The following CCDC7 variants were observed in gnomAD, a reference collection of about 807,000 sequenced individuals.
CCDC7 encodes the protein coiled-coil domain containing 7.
Under a neutral mutation model 196.9 loss-of-function variants are expected in CCDC7, and 183 were observed. That is an observed-to-expected ratio of 0.93 (90% CI 0.82 to 1.05). The LOEUF is 1.05. CCDC7 is among the 50% of genes least tolerant of loss of function. The pLI is 0.00. For synonymous variants in CCDC7, 525 were observed against 484.6 expected, an observed-to-expected ratio of 1.08 and a Z score of -1.10; for missense variants, 1,540 against 1,482.2, an observed-to-expected ratio of 1.04 and a Z score of -0.64.
At chr10:32,766,036 G>A (rs1046859943) in intron 28 of CCDC7, among the ~76,000 whole-genome samples, 11 of 151,952 alleles carry the variant, frequency 7.2e-5, no homozygotes, top group African/African-American at 2.7e-4. Flanking sequence ...TATCATACTT[G>A]TTTATTATAT....
chr10:32,743,989 GGGGT>G (rs2074254834), intron 28 of CCDC7, among the ~76,000 whole-genome samples: 1 of 122,954 alleles, frequency 8.1e-6, no homozygotes, highest in African/African-American at 3.1e-5. Flanking sequence ...GGCCTGTTGT[GGGGT>G]GGGGGGAGGG....
chr10:32,844,817 A>T (rs2093182846), intron 33 of CCDC7, among the ~76,000 whole-genome samples: 1 of 151,828 alleles, frequency 6.6e-6, no homozygotes, highest in South Asian at 2.1e-4. Flanking sequence ...TGTGATGCTT[A>T]CTGCAATAAG....
intron 9 of CCDC7, among the ~76,000 whole-genome samples, chr10:32,509,451 G>C (rs116960005): frequency 2.0e-5 from 3 of 149,200 alleles, no homozygotes; most frequent in Non-Finnish European, 4.4e-5. Context: ...AAAACTCCTC[G>C]ATGAAAACAT....
intron 13 of CCDC7, among the ~76,000 whole-genome samples, chr10:32,550,256 AATCTTGT>A (rs2053244783): frequency 6.6e-6 from 1 of 151,472 alleles, no homozygotes; most frequent in African/African-American, 2.4e-5. Context: ...TGTGTACATT[AATCTTGT>A]ATCCAGAAAC....
intron 20 of CCDC7, among the ~76,000 whole-genome samples, chr10:32,660,028 C>T (rs939927125): frequency 8.5e-5 from 13 of 152,128 alleles, no homozygotes; most frequent in African/African-American, 2.9e-4. Flanking sequence ...TGCACATGTA[C>T]GTGCCTGTTT....
At position 32,583,230 on chromosome 10, in the gene CCDC7, G is replaced by A. The variant is rs2058910896; in HGVS notation, c.1651G>A (p.Val551Ile). 4.1e-6 allele frequency: 5 copies of A among 1,231,364 alleles called. No homozygotes were observed. The East Asian group carries it at 1.3e-4, about 31-fold the overall frequency. The allele number at this position is 1,231,364 out of a possible 1,614,324, so 76.3% of individuals were successfully genotyped here. Residue 551 changes from valine (V) to isoleucine (I), a missense_variant, in exon 17 of 42, where the codon GTT becomes ATT. Transcript: ENST00000639629. The stretch of plus-strand genomic sequence containing the variant: ...CAAAGAAGTTCAAGATTCACTGTCT[G>A]TTGGAACATTGGCTCAAAAAAACGA...
intron 28 of CCDC7, among the ~76,000 whole-genome samples, chr10:32,765,842 C>G (rs2078206651): frequency 6.6e-6 from 1 of 152,052 alleles, no homozygotes; most frequent in Non-Finnish European, 1.5e-5. Flanking sequence ...CCCCTGGTAA[C>G]TGGCATGCAA....
chr10:32,691,310 C>T (rs992052396), intron 23 of CCDC7, among the ~76,000 whole-genome samples: 1 of 152,024 alleles, frequency 6.6e-6, no homozygotes. Context: ...ACTACCTGGC[C>T]AGGAGGTTCT....
intron 18 of CCDC7, among the ~76,000 whole-genome samples, chr10:32,620,709 T>C (rs566266990): frequency 6.6e-6 from 1 of 152,306 alleles, no homozygotes; most frequent in Admixed American, 6.5e-5. Context: ...CCATCCTGTG[T>C]TTAGCAGTGT....
At chr10:32,573,915 T>C (rs2057885637) in intron 16 of CCDC7, among the ~76,000 whole-genome samples, 1 of 152,138 alleles carries the variant, frequency 6.6e-6, no homozygotes, top group African/African-American at 2.4e-5. Flanking sequence ...GCATTAACAG[T>C]CTAGTAGGGC....
intron 36 of CCDC7, 135 bp downstream of exon 37, chr10:32,846,094 A>G (rs1214206263): frequency 6.5e-6 from 5 of 773,532 alleles, no homozygotes; most frequent in Admixed American, 4.6e-5. Context: ...ATTGGAAGAC[A>G]TATAATAAAG....
chr10:32,459,646 A>G (rs912546249), intron 3 of CCDC7, among the ~76,000 whole-genome samples: 1 of 68,720 alleles, frequency 1.5e-5, no homozygotes, highest in African/African-American at 7.2e-5. Flanking sequence ...CCTGCTGCAC[A>G]TTTTTTTTTT....
intron 8 of CCDC7, among the ~76,000 whole-genome samples, chr10:32,475,082 G>A (rs1404409962): frequency 2.6e-5 from 4 of 152,198 alleles, no homozygotes; most frequent in Non-Finnish European, 4.4e-5. Context: ...GAAAACCTCT[G>A]TATACATCGA....
chr10:32,735,134 C>A (rs2084651704), intron 28 of CCDC7, among the ~76,000 whole-genome samples: 1 of 152,090 alleles, frequency 6.6e-6, no homozygotes, highest in Non-Finnish European at 1.5e-5. Flanking sequence ...ACGATTTCTT[C>A]ATTAATTAGG....
chr10:32,461,707 G>GTA (rs1196952945), intron 3 of CCDC7, among the ~76,000 whole-genome samples: 4 of 27,802 alleles, frequency 1.4e-4, no homozygotes, highest in African/African-American at 4.1e-4. Flanking sequence ...GTGTGTGTGT[G>GTA]TGTATATATA....
At chr10:32,582,817 A>G (rs2058871185) in intron 16 of CCDC7, among the ~76,000 whole-genome samples, 1 of 152,168 alleles carries the variant, frequency 6.6e-6, no homozygotes, top group Non-Finnish European at 1.5e-5. Flanking sequence ...AGTATTTTAA[A>G]TGATTTCCTT....
At chr10:32,526,134 C>G (rs1246325426) in intron 11 of CCDC7, among the ~76,000 whole-genome samples, 1 of 152,222 alleles carries the variant, frequency 6.6e-6, no homozygotes, top group African/African-American at 2.4e-5. Context: ...ACCCATGATA[C>G]AAAGTTCTTC....
intron 21 of CCDC7, among the ~76,000 whole-genome samples, chr10:32,682,971 T>C (rs187034423): frequency 5.1e-4 from 77 of 152,300 alleles, no homozygotes; most frequent in African/African-American, 1.8e-3. Context: ...GATAGTTTCT[T>C]TTGCTCTGCA....
chr10:32,877,601 G>C (rs1436193575), downstream of CCDC7, among the ~76,000 whole-genome samples: 1 of 152,088 alleles, frequency 6.6e-6, no homozygotes, highest in East Asian at 1.9e-4. Context: ...AACAATGCCA[G>C]CTCTATCTTA....
Sources: allele counts gnomAD v4.1 joint callset (sites outside exome capture counted in the v4.1 genomes callset), GRCh38; gene constraint gnomAD v4.1.1; transcripts MANE v1.5; gene names NCBI Gene and HGNC (gene_info 2026-07-23, HGNC 2026-07-21).